IL1RAPL1: variants seen among roughly 807,000 people sequenced by gnomAD.
IL1RAPL1 encodes the protein interleukin 1 receptor accessory protein like 1.
A neutral mutation model predicts 48.4 loss-of-function variants in IL1RAPL1; 3 were observed. The ratio of observed to expected loss-of-function variants is 0.06; its 90% CI spans 0.03 to 0.16. The LOEUF is 0.16. IL1RAPL1 is among the 10% of genes least tolerant of loss of function. IL1RAPL1 has a pLI of 1.00. For missense variants in IL1RAPL1, 349 were observed against 530.6 expected, an observed-to-expected ratio of 0.66 and a Z score of 3.36; for synonymous variants, 185 against 187.7, an observed-to-expected ratio of 0.99 and a Z score of 0.12.
At chrX:28,985,815 T>G (rs961875636) in intron 2 of IL1RAPL1, among the ~76,000 whole-genome samples, 1 of 109,404 alleles carries the variant, frequency 9.1e-6, no homozygotes, top group Non-Finnish European at 1.9e-5. Flanking sequence ...GCCCGCCACC[T>G]CGCCCGGCTA....
intron 6 of IL1RAPL1, among the ~76,000 whole-genome samples, chrX:29,709,630 T>C (rs1161387821): frequency 9.0e-6 from 1 of 111,563 alleles, no homozygotes; most frequent in Admixed American, 9.6e-5. Context: ...TTTGCTCATG[T>C]TTGCTTTTGC....
intron 6 of IL1RAPL1, among the ~76,000 whole-genome samples, chrX:29,853,352 A>C (rs1022581791): frequency 9.1e-6 from 1 of 110,214 alleles, no homozygotes; most frequent in African/African-American, 3.3e-5. Context: ...AGAAAAAAAA[A>C]TTAGCCAGGC....
At chrX:29,512,337 T>C (rs1287152894) in intron 5 of IL1RAPL1, among the ~76,000 whole-genome samples, 4 of 88,142 alleles carry the variant, frequency 4.5e-5, no homozygotes, top group Non-Finnish European at 9.5e-5. Flanking sequence ...AGAAACTCTT[T>C]CCGAAGCTGA....
chrX:29,935,162 G>A (rs1469725847), intron 8 of IL1RAPL1, among the ~76,000 whole-genome samples: 1 of 109,836 alleles, frequency 9.1e-6, no homozygotes, highest in Non-Finnish European at 1.9e-5. Flanking sequence ...TCTTATTGCA[G>A]TACACCGGGG....
intron 6 of IL1RAPL1, among the ~76,000 whole-genome samples, chrX:29,703,938 AT>A (rs1350519895): frequency 9.0e-6 from 1 of 110,888 alleles, no homozygotes; most frequent in Non-Finnish European, 1.9e-5. Context: ...TGTATTTTTA[AT>A]TTTTTTTAAG....
intron 2 of IL1RAPL1, among the ~76,000 whole-genome samples, chrX:28,836,369 A>AT (rs1569183037): frequency 1.4e-5 from 1 of 73,231 alleles, no homozygotes; most frequent in African/African-American, 1.9e-4. Context: ...TATATGACAG[A>AT]GAGAGAGAGA....
intron 2 of IL1RAPL1, among the ~76,000 whole-genome samples, chrX:29,228,125 C>T (rs1211772935): frequency 9.5e-6 from 1 of 105,255 alleles, no homozygotes; most frequent in Non-Finnish European, 1.9e-5. Flanking sequence ...CCTTGCGAGC[C>T]ATTCCAGAAA....
chrX:29,681,700 G>A (rs1299881619), intron 6 of IL1RAPL1, among the ~76,000 whole-genome samples: 1 of 112,083 alleles, frequency 8.9e-6, no homozygotes, highest in Non-Finnish European at 1.9e-5. Context: ...AAAAGGATCA[G>A]TGATTATTCT....
intron 2 of IL1RAPL1, among the ~76,000 whole-genome samples, chrX:28,889,639 A>G (rs1210211907): frequency 9.0e-6 from 1 of 111,431 alleles, no homozygotes; most frequent in Non-Finnish European, 1.9e-5. Context: ...CAGGTCGCCT[A>G]AAGGAGAAAC....
chrX:29,276,081 C>G (rs1932114351), intron 2 of IL1RAPL1, among the ~76,000 whole-genome samples: 1 of 112,123 alleles, frequency 8.9e-6, no homozygotes, highest in South Asian at 3.7e-4. Context: ...GTCCTGCCAT[C>G]TAACAGGCCT....
At chrX:29,152,817 C>T (rs1378665756) in intron 2 of IL1RAPL1, among the ~76,000 whole-genome samples, 5 of 112,086 alleles carry the variant, frequency 4.5e-5, no homozygotes, top group African/African-American at 9.7e-5. Flanking sequence ...TGTTCAGTTA[C>T]GATATTTGGT....
At chrX:29,033,484 G>A (rs1188532078) in intron 2 of IL1RAPL1, among the ~76,000 whole-genome samples, 3 of 111,045 alleles carry the variant, frequency 2.7e-5, no homozygotes, top group South Asian at 3.8e-4. Flanking sequence ...ATGGATACAC[G>A]GTGGAGAGTT....
At chrX:28,960,247 T>C (rs968733400) in intron 2 of IL1RAPL1, among the ~76,000 whole-genome samples, 1 of 111,787 alleles carries the variant, frequency 8.9e-6, no homozygotes, top group African/African-American at 3.2e-5. Flanking sequence ...TTCTCCTGAA[T>C]ATAACTTCAT....
intron 6 of IL1RAPL1, among the ~76,000 whole-genome samples, chrX:29,783,705 G>T (rs1411198719): frequency 8.9e-6 from 1 of 111,934 alleles, no homozygotes; most frequent in Non-Finnish European, 1.9e-5. Context: ...TGAACCAAAA[G>T]TTATTTGGCA....
intron 2 of IL1RAPL1, among the ~76,000 whole-genome samples, chrX:29,105,973 T>C (rs990048846): frequency 1.8e-5 from 2 of 112,251 alleles, no homozygotes; most frequent in Non-Finnish European, 1.9e-5. Context: ...ACCTAGAATA[T>C]GTTTCATTAA....
intron 1 of IL1RAPL1, among the ~76,000 whole-genome samples, chrX:28,754,175 A>G (rs1001915299): frequency 2.2e-4 from 24 of 111,329 alleles, no homozygotes; most frequent in Middle Eastern, 4.6e-3. Context: ...CTTATTCTGC[A>G]TACTTCTCTC....
intron 2 of IL1RAPL1, among the ~76,000 whole-genome samples, chrX:29,058,682 A>T (rs5985949): frequency 0.23 from 25,705 of 110,974 alleles, 2,774 homozygotes; most frequent in African/African-American, 0.42. Flanking sequence ...TCCTCAGAAG[A>T]GAATCTGCTG....
At chrX:29,072,888 A>G (rs1236584508) in intron 2 of IL1RAPL1, among the ~76,000 whole-genome samples, 1 of 111,730 alleles carries the variant, frequency 9.0e-6, no homozygotes, top group Non-Finnish European at 1.9e-5. Context: ...GCTAATCTGC[A>G]AAACCCGAGG....
At chrX:28,918,455 A>G (rs976810638) in intron 2 of IL1RAPL1, among the ~76,000 whole-genome samples, 1 of 111,985 alleles carries the variant, frequency 8.9e-6, no homozygotes, top group Non-Finnish European at 1.9e-5. Context: ...AAAAGGCCCA[A>G]TGCCCCCCAT....
Sources: allele counts gnomAD v4.1 joint callset (sites outside exome capture counted in the v4.1 genomes callset), GRCh38; gene constraint gnomAD v4.1.1; transcripts MANE v1.5; gene names NCBI Gene and HGNC (gene_info 2026-07-23, HGNC 2026-07-21).